The following WDFY1 variants were observed in gnomAD, a reference collection of about 807,000 sequenced individuals.
WDFY1 encodes the protein WD repeat and FYVE domain containing 1, also known as WD repeat and FYVE domain-containing protein 1.
Under a neutral mutation model 56.4 loss-of-function variants are expected in WDFY1, and 32 were observed. That is an observed-to-expected ratio of 0.57 (90% CI 0.43 to 0.76). The LOEUF is 0.76. WDFY1 is among the 30% of genes least tolerant of loss of function. The pLI is 0.00. For missense variants in WDFY1, 480 were observed against 545.7 expected, an observed-to-expected ratio of 0.88 and a Z score of 1.20; for synonymous variants, 192 against 197.3, an observed-to-expected ratio of 0.97 and a Z score of 0.23.
At chr2:223,897,367 TATATA>T (rs1559165887) in intron 6 of WDFY1, among the ~76,000 whole-genome samples, 1 of 31,572 alleles carries the variant, frequency 3.2e-5, no homozygotes. Flanking sequence ...TATATATATA[TATATA>T]TATATATATA....
intron 8 of WDFY1, among the ~76,000 whole-genome samples, chr2:223,888,298 G>C: frequency 6.6e-6 from 1 of 152,044 alleles, no homozygotes; most frequent in Non-Finnish European, 1.5e-5. Flanking sequence ...GAACTCCTGG[G>C]CTCAAGTGAT....
intron 2 of WDFY1, among the ~76,000 whole-genome samples, chr2:223,916,920 T>A (rs941227232): frequency 9.9e-5 from 15 of 151,940 alleles, no homozygotes; most frequent in African/African-American, 3.4e-4. Flanking sequence ...ATTGAAGCGA[T>A]TCTCCTGCCT....
intron 4 of WDFY1, among the ~76,000 whole-genome samples, chr2:223,902,947 C>T (rs1693528800): frequency 2.6e-5 from 4 of 152,032 alleles, no homozygotes; most frequent in Admixed American, 2.6e-4. Flanking sequence ...AGTGAATAGT[C>T]AACTATTTTT....
chr2:223,928,886 G>T (rs566132019), intron 1 of WDFY1, among the ~76,000 whole-genome samples: 1 of 152,122 alleles, frequency 6.6e-6, no homozygotes. Context: ...CAACGTGTCT[G>T]CAGATGTTAT....
intron 1 of WDFY1, among the ~76,000 whole-genome samples, chr2:223,944,347 G>A (rs1689365485): frequency 6.6e-6 from 1 of 152,280 alleles, no homozygotes; most frequent in East Asian, 1.9e-4. Flanking sequence ...CCGAGTACCA[G>A]GCTAAACCCC....
chr2:223,906,687 AT>A (rs1329012232), intron 3 of WDFY1, among the ~76,000 whole-genome samples: 1 of 150,898 alleles, frequency 6.6e-6, no homozygotes. Flanking sequence ...ACCCAGCTAA[AT>A]TTTGTATTTT....
At chr2:223,890,133 A>AG (rs1227532328) in intron 8 of WDFY1, among the ~76,000 whole-genome samples, 3 of 152,182 alleles carry the variant, frequency 2.0e-5, no homozygotes, top group Non-Finnish European at 4.4e-5. Flanking sequence ...TACAGATCTG[A>AG]GCTCTTGCCT....
intron 1 of WDFY1, among the ~76,000 whole-genome samples, chr2:223,942,827 G>A (rs1313270859): frequency 6.7e-6 from 1 of 150,104 alleles, no homozygotes; most frequent in Admixed American, 6.7e-5. Flanking sequence ...GAGCCACCGC[G>A]CCCGGCCCAA....
intron 1 of WDFY1, among the ~76,000 whole-genome samples, chr2:223,935,213 C>T (rs1013104209): frequency 2.6e-5 from 4 of 151,998 alleles, no homozygotes; most frequent in Non-Finnish European, 5.9e-5. Flanking sequence ...ACTCTACTGA[C>T]GCTAAGTGTC....
At chr2:223,897,377 TATATA>T (rs1325664767) in intron 6 of WDFY1, among the ~76,000 whole-genome samples, 462 of 18,736 alleles carry the variant, frequency 0.025, 18 homozygotes, top group African/African-American at 0.049. Context: ...TATATATATA[TATATA>T]TATATATATT....
chr2:223,942,865 C>A (rs1011396621), intron 1 of WDFY1, among the ~76,000 whole-genome samples: 1 of 151,018 alleles, frequency 6.6e-6, no homozygotes, highest in Non-Finnish European at 1.5e-5. Context: ...GTGTTGTCTG[C>A]ATCTACGTTC....
chr2:223,882,048 C>A lies in WDFY1; in HGVS notation c.958G>T (p.Ala320Ser), dbSNP rs1693082296. ...TTGCTGCTGCACTTCCCGCAGACAG[C>A]CTGCCCGCATTTCCTGCAGTGATGC... is the stretch of plus-strand genomic sequence containing the variant. ...RQHHCRKCGQ[A>S]VCGKCSSKRS... The change falls in exon 10 of 12, where the codon GCT (alanine) becomes TCT (serine). Residue 320 changes from alanine to serine, a missense_variant. Ala to Ser is a moderately conservative substitution (Grantham distance 99, BLOSUM62 1). Coordinates refer to ENST00000233055, the MANE Select transcript of WDFY1 (RefSeq NM_020830.5). 1 of 1,613,788 alleles carries A rather than the reference C, an allele frequency of 6.2e-7. No homozygotes were observed. Among genetic ancestry groups the A allele is most frequent in the Non-Finnish European group, 8.5e-7 (1 of 1,179,810 alleles).
intron 10 of WDFY1, among the ~76,000 whole-genome samples, chr2:223,880,489 C>G (rs764891306): frequency 5.3e-5 from 8 of 151,854 alleles, no homozygotes; most frequent in Non-Finnish European, 1.0e-4. Context: ...CGCCTGTAAT[C>G]CCAGCTACTC....
chr2:223,931,702 TTTGAGACA>T (rs1242455653), intron 1 of WDFY1, among the ~76,000 whole-genome samples: 1 of 151,284 alleles, frequency 6.6e-6, no homozygotes, highest in East Asian at 1.9e-4. Context: ...TTTTTTTTTT[TTTGAGACA>T]GAGTCTTGCT....
At chr2:223,945,038 T>C (rs925623554) in intron 1 of WDFY1, 110 bp downstream of exon 1, 6 of 1,299,682 alleles carry the variant, frequency 4.6e-6, no homozygotes, top group Non-Finnish European at 1.0e-6. Flanking sequence ...GGTGGGGCCG[T>C]GCTGCCGGGG....
intron 1 of WDFY1, among the ~76,000 whole-genome samples, chr2:223,939,608 A>C (rs1689263962): frequency 6.6e-6 from 1 of 152,188 alleles, no homozygotes; most frequent in Non-Finnish European, 1.5e-5. Flanking sequence ...GACAAGAGAG[A>C]AATAGGAACC....
At chr2:223,937,171 T>C (rs1029654053) in intron 1 of WDFY1, among the ~76,000 whole-genome samples, 1 of 152,204 alleles carries the variant, frequency 6.6e-6, no homozygotes, top group African/African-American at 2.4e-5. Context: ...AAGGCATGAC[T>C]CAAAGGCAGT....
At position 223,905,959 on chromosome 2, in the gene WDFY1, T is replaced by C. The variant is rs756975381; in HGVS notation, c.322A>G (p.Lys108Glu). Reference protein sequence around the residue: ...SEDFNKMNFIKTYPAHQNRVS... With the variant: ...SEDFNKMNFIETYPAHQNRVS... ...GTATTATAATTACCTGGGTAGGTCT[T>C]GATAAAGTTCATTTTATTAAAATCT... Residue 108 changes from lysine (K) to glutamate (E), a missense_variant, in exon 4 of 12, where the codon AAG becomes GAG. Physicochemically the swap from Lys to Glu is moderately conservative, Grantham distance 56. Transcript: ENST00000233055. 5 of 1,577,838 alleles carry C rather than the reference T, an allele frequency of 3.2e-6. No individual in the cohort carries two copies. The South Asian group carries it at 5.9e-5, about 19-fold the overall frequency.
chr2:223,916,967 A>T (rs1326667251), intron 2 of WDFY1, among the ~76,000 whole-genome samples: 1 of 152,098 alleles, frequency 6.6e-6, no homozygotes, highest in Admixed American at 6.5e-5. Flanking sequence ...GGCATGTGCC[A>T]CCATGCCCGG....
Sources: gnomAD v4.1 joint callset for allele counts (sites outside exome capture counted in the v4.1 genomes callset) on GRCh38, gnomAD v4.1.1 for gene constraint, MANE v1.5 for transcripts, NCBI Gene and HGNC (gene_info 2026-07-23, HGNC 2026-07-21) for gene names.